STK32B: variants seen among roughly 807,000 people sequenced by gnomAD.
The protein encoded by STK32B is serine/threonine kinase 32B.
Under a neutral mutation model 52.6 loss-of-function variants are expected in STK32B, and 43 were observed. The ratio of observed to expected loss-of-function variants is 0.82; its 90% CI spans 0.64 to 1.05. The LOEUF (loss-of-function observed/expected upper bound fraction) is 1.05, where lower values mean the gene tolerates loss of function less well. Ranked by LOEUF, STK32B falls within the 50% of genes least tolerant of loss-of-function variation. STK32B has a pLI of 0.00. For synonymous variants in STK32B, 238 were observed against 204.3 expected (o/e 1.17, Z -1.41); for missense variants, 621 against 534.6 (o/e 1.16, Z -1.59).
chr4:5,439,573 A>G (rs1714499514), intron 6 of STK32B, among the ~76,000 whole-genome samples: 1 of 151,348 alleles, frequency 6.6e-6, no homozygotes, highest in South Asian at 2.1e-4. Flanking sequence ...CTCTGATGGT[A>G]GTTTCTTTTG....
At chr4:5,155,012 T>C (rs978333815) in intron 2 of STK32B, among the ~76,000 whole-genome samples, 3 of 152,230 alleles carry the variant, frequency 2.0e-5, no homozygotes, top group Admixed American at 1.3e-4. Flanking sequence ...CTGACTCTGC[T>C]TTCTATCCTC....
At chr4:5,112,178 C>T (rs1204703284) in intron 1 of STK32B, among the ~76,000 whole-genome samples, 1 of 152,242 alleles carries the variant, frequency 6.6e-6, no homozygotes, top group South Asian at 2.1e-4. Flanking sequence ...CAGGTGCTTG[C>T]AGTCTGTGGA....
chr4:5,264,998 A>T (rs1726969683), intron 3 of STK32B, among the ~76,000 whole-genome samples: 1 of 152,156 alleles, frequency 6.6e-6, no homozygotes. Flanking sequence ...ATCCCCTAAG[A>T]ATTATTACCT....
chr4:5,127,088 A>G, intron 1 of STK32B: 1 of 511,056 alleles, frequency 2.0e-6, no homozygotes, highest in South Asian at 1.4e-5. Context: ...TGCTTTATTC[A>G]TGAGCCGTGA....
rs73211127 is a variant in STK32B, at chr4:5,252,751, C to T, written c.261-78469C>T. On this transcript the variant is annotated intron_variant, in intron 3 of 11. Transcript: ENST00000282908. ...CACTTCTAACCTGCGTGGTCTTAGG[C>T]GATCTTTTTAGCCTATGCTTTGGTT... Among the ~76,000 whole-genome samples, 1,455 of 152,194 alleles carry T rather than the reference C, an allele frequency of 9.6e-3. 13 individuals are homozygous for T. The highest frequency in any genetic ancestry group is 0.017 in the Non-Finnish European group (1,132 of 67,984).
At chr4:5,270,267 C>T (rs1727337342) in intron 3 of STK32B, among the ~76,000 whole-genome samples, 1 of 152,106 alleles carries the variant, frequency 6.6e-6, no homozygotes, top group African/African-American at 2.4e-5. Context: ...GCAGGGAAGC[C>T]AGTTTGAGTC....
chr4:5,410,132 C>G (rs930901878), intron 5 of STK32B, among the ~76,000 whole-genome samples: 3 of 152,150 alleles, frequency 2.0e-5, no homozygotes, highest in African/African-American at 4.8e-5. Context: ...GCCAATGTTA[C>G]AATCAGCGCC....
At chr4:5,347,518 G>A (rs1733546275) in intron 4 of STK32B, among the ~76,000 whole-genome samples, 1 of 152,150 alleles carries the variant, frequency 6.6e-6, no homozygotes, top group Admixed American at 6.5e-5. Context: ...TAGAGCTTAT[G>A]TACTCAAAGA....
the STK32B span, among the ~76,000 whole-genome samples, chr4:5,028,472 G>A: frequency 5.3e-5 from 8 of 152,326 alleles, no homozygotes; most frequent in South Asian, 2.1e-4. Context: ...ACAAAGTGAC[G>A]TAAGAGAAAG....
At chr4:5,071,368 A>G (rs1711761233) in intron 1 of STK32B, among the ~76,000 whole-genome samples, 1 of 152,210 alleles carries the variant, frequency 6.6e-6, no homozygotes, top group Non-Finnish European at 1.5e-5. Context: ...ATATGCCTAC[A>G]GATGCTTTAC....
intron 3 of STK32B, among the ~76,000 whole-genome samples, chr4:5,241,411 T>G (rs1264115132): frequency 6.6e-6 from 1 of 152,178 alleles, no homozygotes; most frequent in East Asian, 1.9e-4. Flanking sequence ...AAAAGGTATT[T>G]GTTGTTGGAT....
intron 4 of STK32B, among the ~76,000 whole-genome samples, chr4:5,360,667 A>G (rs1284563119): frequency 2.6e-5 from 4 of 152,118 alleles, no homozygotes; most frequent in Admixed American, 6.5e-5. Context: ...TTAGCTGGGC[A>G]TGGTGGCACA....
chr4:5,348,669 G>C (rs1733631071), intron 4 of STK32B, among the ~76,000 whole-genome samples: 1 of 152,208 alleles, frequency 6.6e-6, no homozygotes, highest in African/African-American at 2.4e-5. Context: ...CTCAGTAACA[G>C]AGCTTTGGCA....
chr4:5,465,176 G>C (rs1181722721), intron 9 of STK32B, among the ~76,000 whole-genome samples: 1 of 152,150 alleles, frequency 6.6e-6, no homozygotes, highest in South Asian at 2.1e-4. Flanking sequence ...ATTAGCCCAC[G>C]AATGACACAG....
rs116322572 is a variant in STK32B at position 5,311,375 on chromosome 4, A to G, written c.261-19845A>G. Among the ~76,000 whole-genome samples, 974 of 152,296 alleles carry G rather than the reference A, an allele frequency of 6.4e-3. 10 individuals are homozygous for G. The highest frequency in any genetic ancestry group is 0.023 in the African/African-American group (940 of 41,570). On this transcript the variant is annotated intron_variant, in intron 3 of 11. Coordinates refer to ENST00000282908, the MANE Select transcript of STK32B (RefSeq NM_018401.3). ...TACAATTACTGTGGGTCAATTAAAC[A>G]TAATAAAAATTAAAAAGAGCAAAAT...
intron 6 of STK32B, among the ~76,000 whole-genome samples, chr4:5,431,237 G>C (rs1713547572): frequency 6.6e-6 from 1 of 152,170 alleles, no homozygotes; most frequent in Non-Finnish European, 1.5e-5. Flanking sequence ...GAAGTGTGTA[G>C]GGCCAGATCA....
chr4:5,387,918 AT>A (rs1458775093), intron 4 of STK32B, among the ~76,000 whole-genome samples: 2 of 151,854 alleles, frequency 1.3e-5, no homozygotes, highest in African/African-American at 4.8e-5. Flanking sequence ...TAATTTTTGT[AT>A]TTTTAGTAAA....
At chr4:5,417,940 T>C (rs1009454134) in intron 6 of STK32B, among the ~76,000 whole-genome samples, 6 of 152,212 alleles carry the variant, frequency 3.9e-5, no homozygotes, top group African/African-American at 1.4e-4. Flanking sequence ...TATGTGGTCT[T>C]TCATCATCAA....
At chr4:5,117,574 T>C (rs1241557382) in intron 1 of STK32B, among the ~76,000 whole-genome samples, 1 of 152,190 alleles carries the variant, frequency 6.6e-6, no homozygotes, top group Non-Finnish European at 1.5e-5. Context: ...GTTGGCCTTA[T>C]TTTTAGCCTA....
Sources: allele counts gnomAD v4.1 joint callset (sites outside exome capture counted in the v4.1 genomes callset), GRCh38; gene constraint gnomAD v4.1.1; transcripts MANE v1.5; gene names NCBI Gene and HGNC (gene_info 2026-07-23, HGNC 2026-07-21).